The following CFAP43 variants were observed in gnomAD, a reference collection of about 807,000 sequenced individuals.
CFAP43 encodes cilia and flagella associated protein 43, also known as cilia- and flagella-associated protein 43.
Under a neutral mutation model 218.9 loss-of-function variants are expected in CFAP43, and 155 were observed. The observed-to-expected ratio is 0.71, with a 90% CI of 0.62 to 0.81. CFAP43 has a LOEUF of 0.81. CFAP43 is among the 30% of genes least tolerant of loss of function. The probability of loss-of-function intolerance (pLI) is 0.00; values close to 1 mark genes in which losing one functional copy is unlikely to be tolerated. For missense variants in CFAP43, 1,778 were observed against 1,954.3 expected (o/e 0.91, Z 1.70); for synonymous variants, 645 against 681.3 (o/e 0.95, Z 0.83).
Position 104,159,126 on chromosome 10 carries a change from C to T in CFAP43, c.3540+1911G>A, listed in dbSNP as rs181040709. On this transcript the variant is annotated intron_variant, in intron 27 of 37. Transcript: ENST00000357060. ...TGGATAAAGGGGTCATTATACTGTTCTCTCTATTTTTATACATGTTTGACA... is the reference window on the plus strand; with the variant it reads ...TGGATAAAGGGGTCATTATACTGTTTTCTCTATTTTTATACATGTTTGACA... 1.6e-3 allele frequency among the ~76,000 whole-genome samples: 242 copies of T among 151,984 alleles called. 1 individual carries two copies. The highest frequency in any genetic ancestry group is 2.9e-3 in the Admixed American group (45 of 15,266).
At chr10:104,159,954 G>A (rs77176713) in intron 27 of CFAP43, among the ~76,000 whole-genome samples, 2,746 of 152,282 alleles carry the variant, frequency 0.018, 93 homozygotes, top group African/African-American at 0.063. Flanking sequence ...GGGGAAAAAT[G>A]GAGTAGCATT....
rs530094565 is a variant in CFAP43 at position 104,161,455 on chromosome 10, T to C, written c.3415-293A>G. On this transcript the variant is annotated intron_variant, in intron 26 of 37. Coordinates refer to ENST00000357060, the MANE Select transcript of CFAP43 (RefSeq NM_025145.7). ...TACCCCTGAGCCCCAGGAAAACCTA[T>C]GTCAGGTATCAAAGAAAATGTTTCC... 3.3e-5 allele frequency among the ~76,000 whole-genome samples: 5 copies of C among 152,290 alleles called. No individual in the cohort carries two copies. In the South Asian group the frequency reaches 1.0e-3, roughly 32 times the overall value.
intron 3 of CFAP43, among the ~76,000 whole-genome samples, chr10:104,215,813 T>C (rs2090996927): frequency 6.6e-6 from 1 of 152,142 alleles, no homozygotes; most frequent in Non-Finnish European, 1.5e-5. Context: ...GAATTCTTGC[T>C]CTCAAGTATA....
Position 104,166,588 on chromosome 10 carries a change from C to T in CFAP43, c.2939G>A (p.Gly980Asp), listed in dbSNP as rs1190256047. 1.2e-6 allele frequency: 2 copies of T among 1,614,006 alleles called. No homozygotes were observed. ...KYSNLPNYLL[G>D]SLSTDFGVDT... ...TACCCCAAAATCAGTACTCAGACTA[C>T]CAAGCAGGTAATTGGGCAAATTGCT... is the stretch of plus-strand genomic sequence containing the variant. The change falls in exon 23 of 38, where the codon GGT becomes GAT. Residue 980 changes from glycine to aspartate, a missense_variant. By Grantham distance (94) the Gly-to-Asp change is moderately conservative (BLOSUM62 -1). Transcript: ENST00000357060.
intron 34 of CFAP43, among the ~76,000 whole-genome samples, chr10:104,140,234 T>C: frequency 6.6e-6 from 1 of 152,224 alleles, no homozygotes. Context: ...TATCTAAGAT[T>C]ATCTTTGCCT....
chr10:104,130,998 C>CA (rs1163188252), intron 37 of CFAP43, among the ~76,000 whole-genome samples: 12,244 of 56,028 alleles, frequency 0.22, 1,083 homozygotes, highest in Non-Finnish European at 0.26. Flanking sequence ...CACCCTGTCT[C>CA]AAAAAAAAAA....
chr10:104,183,113 C>A (rs1164407993), intron 16 of CFAP43, among the ~76,000 whole-genome samples: 1 of 152,190 alleles, frequency 6.6e-6, no homozygotes, highest in Non-Finnish European at 1.5e-5. Context: ...TCACCCCACC[C>A]TGCATTGAGA....
At chr10:104,195,759 G>C (rs2090364685) in intron 10 of CFAP43, among the ~76,000 whole-genome samples, 1 of 152,204 alleles carries the variant, frequency 6.6e-6, no homozygotes, top group Non-Finnish European at 1.5e-5. Context: ...AAAATGCACT[G>C]TGAACATGGC....
At chr10:104,211,845 A>G (rs2090872725) in intron 5 of CFAP43, among the ~76,000 whole-genome samples, 162 bp downstream of exon 5, 2 of 152,154 alleles carry the variant, frequency 1.3e-5, no homozygotes, top group Non-Finnish European at 2.9e-5. Flanking sequence ...TCAAAACTCC[A>G]GAGTCTTCAT....
intron 31 of CFAP43, 25 bp from the exon 32 acceptor site, chr10:104,143,664 C>T (rs755190184): frequency 6.2e-7 from 1 of 1,606,596 alleles, no homozygotes; most frequent in African/African-American, 1.3e-5. Context: ...AAAAGCCCAT[C>T]AACATTTCAC....
At chr10:104,180,573 G>C (rs1285217423) in intron 17 of CFAP43, among the ~76,000 whole-genome samples, 1 of 151,610 alleles carries the variant, frequency 6.6e-6, no homozygotes, top group Non-Finnish European at 1.5e-5. Flanking sequence ...AGCCTCCTGA[G>C]TAGCTGGGAC....
chr10:104,164,295 G>T lies in CFAP43; in HGVS notation c.3045C>A (p.Ile1015=). Residue 1015 remains isoleucine, a synonymous_variant, in exon 24 of 38, where the codon ATC becomes ATA. Coordinates refer to ENST00000357060, the MANE Select transcript of CFAP43 (RefSeq NM_025145.7). ...TGAAAACAGTTTTTACCTTGTAAAT[G>T]ATATCCTGAAATATTAACATGTTAC... ...KINQIILLKD[I]IYKVKTVFNN... 6.3e-7 allele frequency: 1 copy of T among 1,584,372 alleles called. No individual in the cohort carries two copies. Among genetic ancestry groups the T allele is most frequent in the East Asian group, 2.3e-5 (1 of 44,434 alleles).
intron 3 of CFAP43, among the ~76,000 whole-genome samples, chr10:104,224,858 C>T (rs2091270660): frequency 6.6e-6 from 1 of 151,478 alleles, no homozygotes; most frequent in African/African-American, 2.4e-5. Context: ...ATCCTTTAAT[C>T]ATTTCTGGAA....
chr10:104,192,153 T>C, intron 12 of CFAP43, 46 bp downstream of exon 12: 1 of 1,396,100 alleles, frequency 7.2e-7, no homozygotes. Flanking sequence ...CCTTAAATTC[T>C]TTGAAATAAT....
At chr10:104,205,440 G>A (rs2090658898) in intron 7 of CFAP43, among the ~76,000 whole-genome samples, 1 of 152,084 alleles carries the variant, frequency 6.6e-6, no homozygotes, top group South Asian at 2.1e-4. Context: ...TGATAAGGTT[G>A]TTGTAAGGAC....
chr10:104,193,671 A>G (rs2090297195), intron 11 of CFAP43, 195 bp downstream of exon 11: 1 of 629,590 alleles, frequency 1.6e-6, no homozygotes, highest in Non-Finnish European at 2.5e-6. Flanking sequence ...GCTGCCTGCA[A>G]GGACAGACCT....
chr10:104,181,034 A>T (rs940688158), intron 17 of CFAP43, among the ~76,000 whole-genome samples: 3 of 152,102 alleles, frequency 2.0e-5, no homozygotes, highest in Non-Finnish European at 4.4e-5. Flanking sequence ...TCTCCCCAGA[A>T]CCCAAGGTTC....
At position 104,130,308 on chromosome 10, in the gene CFAP43, A is replaced by T; in HGVS notation, c.4832-3T>A. ...CTTTTCACAAGTCAGTTTAGACCCTATCCCAAAAATGAATAAAGGAATTCG... is the reference window on the plus strand; with the variant it reads ...CTTTTCACAAGTCAGTTTAGACCCTTTCCCAAAAATGAATAAAGGAATTCG... On this transcript the variant is annotated splice_polypyrimidine_tract_variant and splice_region_variant and intron_variant, in intron 37 of 37. Coordinates refer to ENST00000357060, the MANE Select transcript of CFAP43 (RefSeq NM_025145.7). The T allele has an allele frequency of 6.2e-7, 1 of 1,601,294 alleles. No homozygotes were observed.
chr10:104,177,174 C>CATGG (rs2089660669), intron 19 of CFAP43, among the ~76,000 whole-genome samples: 1 of 151,974 alleles, frequency 6.6e-6, no homozygotes, highest in Non-Finnish European at 1.5e-5. Flanking sequence ...AAGAAGAAAA[C>CATGG]ACCTAGGGTC....
Sources: allele counts gnomAD v4.1 joint callset (sites outside exome capture counted in the v4.1 genomes callset), GRCh38; gene constraint gnomAD v4.1.1; transcripts MANE v1.5; gene names NCBI Gene and HGNC (gene_info 2026-07-23, HGNC 2026-07-21).